Variants in CSMD1 observed in about 807,000 individuals in gnomAD.
CSMD1 encodes the protein CUB and sushi domain-containing protein 1.
CSMD1 carries 213 observed loss-of-function variants against 417.5 expected under a neutral mutation model. The observed-to-expected ratio is 0.51, with a 90% confidence interval of 0.46 to 0.57. The LOEUF (loss-of-function observed/expected upper bound fraction) is 0.57. Among genes scored for constraint, CSMD1 ranks in the 20% least tolerant of loss-of-function variants. The pLI is 0.00. For synonymous variants in CSMD1, 2,862 were observed against 1,736.8 expected (o/e 1.65, Z -16.11); for missense variants, 6,923 against 4,529.7 (o/e 1.53, Z -15.17).
At chr8:4,848,191 A>T (rs1235414700) in intron 1 of CSMD1, among the ~76,000 whole-genome samples, 1 of 152,184 alleles carries the variant, frequency 6.6e-6, no homozygotes, top group Admixed American at 6.5e-5. Context: ...CATTGTATGG[A>T]AATGGCACAG....
At chr8:3,934,959 A>C (rs2975401) in intron 5 of CSMD1, among the ~76,000 whole-genome samples, 1 of 151,944 alleles carries the variant, frequency 6.6e-6, no homozygotes, top group African/African-American at 2.4e-5. Context: ...TATTTACAAA[A>C]AACTAACCAG....
intron 11 of CSMD1, among the ~76,000 whole-genome samples, chr8:3,471,792 A>G (rs67017355): frequency 0.15 from 23,102 of 152,006 alleles, 1,764 homozygotes; most frequent in East Asian, 0.23. Context: ...AGTCAAATTC[A>G]TGGTTTTGGG....
chr8:4,159,599 A>G (rs1003642270), intron 3 of CSMD1, among the ~76,000 whole-genome samples: 3 of 152,166 alleles, frequency 2.0e-5, no homozygotes, highest in African/African-American at 7.2e-5. Flanking sequence ...CATTATTATT[A>G]TTATTGTGAG....
intron 2 of CSMD1, among the ~76,000 whole-genome samples, chr8:4,556,216 A>G (rs1402237543): frequency 6.6e-6 from 1 of 152,190 alleles, no homozygotes; most frequent in Non-Finnish European, 1.5e-5. Context: ...GATACTTTAT[A>G]TCAGAAAAGT....
chr8:4,022,844 G>C (rs1446625755), intron 4 of CSMD1, among the ~76,000 whole-genome samples: 2 of 152,166 alleles, frequency 1.3e-5, no homozygotes, highest in East Asian at 1.9e-4. Flanking sequence ...AAGAAGAAGA[G>C]AGTTCATTCG....
At chr8:3,813,463 A>G (rs1346285171) in intron 5 of CSMD1, among the ~76,000 whole-genome samples, 1 of 152,138 alleles carries the variant, frequency 6.6e-6, no homozygotes, top group African/African-American at 2.4e-5. Context: ...GGTATTTAGT[A>G]ATGTCGTATC....
chr8:3,774,105 G>A (rs961168661), intron 5 of CSMD1, among the ~76,000 whole-genome samples: 1 of 152,010 alleles, frequency 6.6e-6, no homozygotes, highest in Non-Finnish European at 1.5e-5. Context: ...AAATATGTCC[G>A]CAACCCATTC....
intron 3 of CSMD1, among the ~76,000 whole-genome samples, chr8:4,060,949 T>C (rs1798939646): frequency 6.6e-6 from 1 of 152,158 alleles, no homozygotes. Flanking sequence ...AGCTTCTCAT[T>C]GAAAGTGTGG....
At chr8:4,452,906 G>A (rs1799235770) in intron 2 of CSMD1, among the ~76,000 whole-genome samples, 1 of 152,162 alleles carries the variant, frequency 6.6e-6, no homozygotes, top group Non-Finnish European at 1.5e-5. Context: ...AAGCAACGAT[G>A]GGCACAGTGG....
chr8:3,175,502 TGCCTGCC>T (rs1563111655), intron 37 of CSMD1, among the ~76,000 whole-genome samples: 1 of 126,020 alleles, frequency 7.9e-6, no homozygotes, highest in Non-Finnish European at 1.6e-5. Context: ...CCTGCCTGCC[TGCCTGCC>T]TTTTTTCCTT....
chr8:3,039,680 AAG>A (rs1163089124), intron 50 of CSMD1, among the ~76,000 whole-genome samples: 1 of 152,092 alleles, frequency 6.6e-6, no homozygotes, highest in Non-Finnish European at 1.5e-5. Flanking sequence ...TACAACCTTT[AAG>A]AAATGTGGGT....
At chr8:4,530,022 T>C (rs994426105) in intron 2 of CSMD1, among the ~76,000 whole-genome samples, 46 of 151,982 alleles carry the variant, frequency 3.0e-4, no homozygotes, top group Non-Finnish European at 4.4e-4. Context: ...TCATGCCATT[T>C]TCCTGCCTCA....
At chr8:3,478,068 T>C (rs1248722129) in intron 11 of CSMD1, among the ~76,000 whole-genome samples, 1 of 152,188 alleles carries the variant, frequency 6.6e-6, no homozygotes. Flanking sequence ...CAACATGAAA[T>C]TAGAACAAGC....
At position 4,905,712 on chromosome 8, in the gene CSMD1, C is replaced by G. The variant is rs1036778877; in HGVS notation, c.85+88620G>C. Reference sequence around the variant, plus strand: ...GCGGGCGCCTGTAGTCCCAGCTCCTCGGGAGGCTGAGGCAGGAGAATGGCG... The same window carrying G: ...GCGGGCGCCTGTAGTCCCAGCTCCTGGGGAGGCTGAGGCAGGAGAATGGCG... On this transcript the variant is annotated intron_variant, in intron 1 of 69. Coordinates refer to ENST00000635120, the MANE Select transcript of CSMD1 (RefSeq NM_033225.6). Among the ~76,000 whole-genome samples, 12 of 148,546 alleles carry G rather than the reference C, an allele frequency of 8.1e-5. No individual in the cohort carries two copies. The East Asian group carries it at 2.6e-3, about 32-fold the overall frequency.
intron 5 of CSMD1, among the ~76,000 whole-genome samples, chr8:3,939,573 T>A (rs1009444015): frequency 6.6e-6 from 1 of 152,122 alleles, no homozygotes; most frequent in African/African-American, 2.4e-5. Context: ...ACAAGCATGT[T>A]TATAGCAGCA....
chr8:4,226,872 A>T (rs1372848390), intron 3 of CSMD1, among the ~76,000 whole-genome samples: 1 of 152,230 alleles, frequency 6.6e-6, no homozygotes, highest in African/African-American at 2.4e-5. Context: ...TAGTTTGGGA[A>T]TAAGAAATAC....
intron 3 of CSMD1, among the ~76,000 whole-genome samples, chr8:4,051,771 C>T (rs377407198): frequency 5.9e-5 from 9 of 152,136 alleles, no homozygotes; most frequent in East Asian, 5.8e-4. Context: ...TGGTAGGGCT[C>T]CCAGTGTCCC....
chr8:4,088,846 C>T (rs943539066), intron 3 of CSMD1, among the ~76,000 whole-genome samples: 2 of 152,246 alleles, frequency 1.3e-5, no homozygotes, highest in African/African-American at 4.8e-5. Flanking sequence ...AATCACTAGT[C>T]TCCTGGTTTC....
At chr8:4,857,065 T>G (rs1801844750) in intron 1 of CSMD1, among the ~76,000 whole-genome samples, 1 of 148,026 alleles carries the variant, frequency 6.8e-6, no homozygotes, top group Admixed American at 6.7e-5. Flanking sequence ...TAACAAACTA[T>G]CTCTCAGACC....
Sources: gnomAD v4.1 joint callset for allele counts (sites outside exome capture counted in the v4.1 genomes callset) on GRCh38, gnomAD v4.1.1 for gene constraint, MANE v1.5 for transcripts, NCBI Gene and HGNC (gene_info 2026-07-23, HGNC 2026-07-21) for gene names.